CLSTN2: variants seen among roughly 807,000 people sequenced by gnomAD.
The protein encoded by CLSTN2 is calsyntenin-2.
In CLSTN2, 48 loss-of-function variants were observed where a neutral mutation model predicts 101.2. That is an observed-to-expected ratio of 0.47 (90% CI 0.38 to 0.60). The LOEUF (loss-of-function observed/expected upper bound fraction) is 0.60, where lower values mean the gene tolerates loss of function less well. Ranked by LOEUF, CLSTN2 falls within the 20% of genes least tolerant of loss-of-function variation. The pLI is 0.00. For missense variants in CLSTN2, 1,160 were observed against 1,238.2 expected, an observed-to-expected ratio of 0.94 and a Z score of 0.95; for synonymous variants, 481 against 463.6, an observed-to-expected ratio of 1.04 and a Z score of -0.48.
Position 140,391,598 on chromosome 3 carries a change from G to A in CLSTN2, c.233-12031G>A, listed in dbSNP as rs183949465. 2.0e-5 allele frequency among the ~76,000 whole-genome samples: 3 copies of A among 152,016 alleles called. No individual in the cohort carries two copies. The East Asian group carries it at 5.8e-4, about 29-fold the overall frequency. ...ATATTAACATGATATGATTTGATAT[G>A]CGATATATAATTTATAGTGATTTTA... On this transcript the variant is annotated intron_variant, in intron 2 of 16. Transcript: ENST00000458420.
intron 1 of CLSTN2, among the ~76,000 whole-genome samples, chr3:140,033,971 A>G (rs1488193954): frequency 6.6e-6 from 1 of 152,228 alleles, no homozygotes; most frequent in East Asian, 1.9e-4. Context: ...ACAGCCTGAA[A>G]GGGTACAAAC....
intron 1 of CLSTN2, among the ~76,000 whole-genome samples, chr3:139,996,526 ACAGGTGCCTGCCACCAT>A (rs912737394): frequency 5.9e-5 from 9 of 152,184 alleles, no homozygotes; most frequent in Admixed American, 1.3e-4. Context: ...AGCCGGGACT[ACAGGTGCCTGCCACCAT>A]CAAAGCATTT....
chr3:140,284,001 A>G (rs2086872147), intron 2 of CLSTN2, among the ~76,000 whole-genome samples: 1 of 152,204 alleles, frequency 6.6e-6, no homozygotes, highest in Admixed American at 6.5e-5. Flanking sequence ...AGGCTAATTA[A>G]AAATTGGAAG....
intron 2 of CLSTN2, among the ~76,000 whole-genome samples, chr3:140,314,647 T>C (rs2087211156): frequency 6.6e-6 from 1 of 152,154 alleles, no homozygotes; most frequent in Non-Finnish European, 1.5e-5. Flanking sequence ...GGCTTTTGCA[T>C]ACGAATCTGG....
At chr3:140,345,539 C>A (rs1428680170) in intron 2 of CLSTN2, among the ~76,000 whole-genome samples, 1 of 151,564 alleles carries the variant, frequency 6.6e-6, no homozygotes, top group Non-Finnish European at 1.5e-5. Flanking sequence ...CATGAGCCAC[C>A]GCGCCCGGCC....
chr3:140,041,354 G>C (rs1237225068), intron 1 of CLSTN2, among the ~76,000 whole-genome samples: 1 of 151,970 alleles, frequency 6.6e-6, no homozygotes, highest in Admixed American at 6.6e-5. Context: ...AGATAACAGA[G>C]GGGTCAGCAG....
At chr3:140,520,057 C>T (rs1279565611) in intron 8 of CLSTN2, among the ~76,000 whole-genome samples, 1 of 152,180 alleles carries the variant, frequency 6.6e-6, no homozygotes, top group African/African-American at 2.4e-5. Flanking sequence ...ATTTCTCCTT[C>T]ACTTATGAAG....
intron 12 of CLSTN2, among the ~76,000 whole-genome samples, chr3:140,559,675 T>C (rs72980140): frequency 0.014 from 2,063 of 152,128 alleles, 38 homozygotes; most frequent in African/African-American, 0.047. Context: ...GAAGTGTCCT[T>C]TGCTGCCTCT....
rs112773647 is a variant in CLSTN2, at chr3:140,250,251, C to T, written c.232+74178C>T. Among the ~76,000 whole-genome samples, 432 of 152,322 alleles carry T rather than the reference C, an allele frequency of 2.8e-3. 1 individual carries two copies. Among genetic ancestry groups the T allele is most frequent in the African/African-American group, 9.6e-3 (399 of 41,578 alleles). Reference sequence around the variant, plus strand: ...CAGCACAAGTTCACTGGTACCCACTCTGTGCCGAGCAACGTACTTGGATCT... The same window carrying T: ...CAGCACAAGTTCACTGGTACCCACTTTGTGCCGAGCAACGTACTTGGATCT... On this transcript the variant is annotated intron_variant, in intron 2 of 16. Coordinates refer to ENST00000458420, the MANE Select transcript of CLSTN2 (RefSeq NM_022131.3).
chr3:140,310,862 G>A (rs560035412), intron 2 of CLSTN2, among the ~76,000 whole-genome samples: 14 of 152,120 alleles, frequency 9.2e-5, no homozygotes, highest in South Asian at 2.1e-4. Context: ...TTATGTATTC[G>A]TTATTCAATG....
intron 8 of CLSTN2, among the ~76,000 whole-genome samples, chr3:140,470,146 G>C (rs1389553027): frequency 6.6e-6 from 1 of 152,188 alleles, no homozygotes; most frequent in East Asian, 1.9e-4. Context: ...ATGCCTGATG[G>C]GGACTCGCTT....
At chr3:139,939,682 C>T (rs1039734698) in intron 1 of CLSTN2, among the ~76,000 whole-genome samples, 4 of 152,220 alleles carry the variant, frequency 2.6e-5, no homozygotes, top group Non-Finnish European at 5.9e-5. Flanking sequence ...AAAAACCATC[C>T]TTGAATATTC....
At chr3:140,185,262 C>G (rs1352560792) in intron 2 of CLSTN2, among the ~76,000 whole-genome samples, 2 of 152,126 alleles carry the variant, frequency 1.3e-5, no homozygotes, top group African/African-American at 4.8e-5. Context: ...GGCCTCAGTG[C>G]AAGACAGTGG....
intron 1 of CLSTN2, among the ~76,000 whole-genome samples, chr3:140,092,102 T>A (rs956350810): frequency 6.6e-6 from 1 of 152,192 alleles, no homozygotes; most frequent in African/African-American, 2.4e-5. Flanking sequence ...TGAGAATACT[T>A]CAGCATCTGG....
rs1019306186 is a variant in CLSTN2, at chr3:140,345,591, A to T, written c.233-58038A>T. Among the ~76,000 whole-genome samples, 5 of 138,090 alleles carry T rather than the reference A, an allele frequency of 3.6e-5. No homozygotes were observed. In the South Asian group the frequency reaches 1.2e-3, roughly 33 times the overall value. The allele number at this position is 138,090 out of a possible 152,430, so 90.6% of individuals were successfully genotyped here. The stretch of plus-strand genomic sequence containing the variant: ...TATGCAGGATTTATCATTGGTGATT[A>T]TGTGTGGAATTTTTTTTTTTTTTTT... On this transcript the variant is annotated intron_variant, in intron 2 of 16. Transcript: ENST00000458420.
At chr3:140,029,096 C>T (rs772096413) in intron 1 of CLSTN2, among the ~76,000 whole-genome samples, 5 of 152,200 alleles carry the variant, frequency 3.3e-5, no homozygotes, top group Non-Finnish European at 5.9e-5. Flanking sequence ...TGCACTTCCA[C>T]ATTCATGCTG....
chr3:140,326,560 A>C (rs1163663669), intron 2 of CLSTN2, among the ~76,000 whole-genome samples: 1 of 152,236 alleles, frequency 6.6e-6, no homozygotes, highest in African/African-American at 2.4e-5. Context: ...AGGTTTTCAC[A>C]TTAACACATG....
Position 140,566,196 on chromosome 3 carries a change from G to A in CLSTN2, c.2811G>A (p.Gly937=). Reference sequence around the variant, plus strand: ...AAGGGATGGGCAGAGGCAGACATGGGCAGAATGGAGCCAGGCAAGCCCAGC... The same window carrying A: ...AAGGGATGGGCAGAGGCAGACATGGACAGAATGGAGCCAGGCAAGCCCAGC... ...EEEGMGRGRH[G]QNGARQAQLE... is the part of the protein sequence containing the mutation. The change falls in exon 17 of 17, where the codon GGG becomes GGA. Residue 937 remains glycine (G), a synonymous_variant. Transcript: ENST00000458420. 1 of 1,603,740 alleles carries A rather than the reference G, an allele frequency of 6.2e-7. No homozygotes were observed. Among genetic ancestry groups the A allele is most frequent in the East Asian group, 2.2e-5 (1 of 44,540 alleles).
At chr3:140,365,831 T>TTGCTGGAAATCCCAGCA (rs2087781899) in intron 2 of CLSTN2, among the ~76,000 whole-genome samples, 4 of 152,226 alleles carry the variant, frequency 2.6e-5, no homozygotes, top group Non-Finnish European at 1.5e-5. Flanking sequence ...CCTTTGCTTA[T>TTGCTGGAAATCCCAGCA]GATTCACAAA....
Sources: gnomAD v4.1 joint callset for allele counts (sites outside exome capture counted in the v4.1 genomes callset) on GRCh38, gnomAD v4.1.1 for gene constraint, MANE v1.5 for transcripts, NCBI Gene and HGNC (gene_info 2026-07-23, HGNC 2026-07-21) for gene names.